Variants in C10orf90 observed in about 807,000 individuals in gnomAD.
The protein encoded by C10orf90 is chromosome 10 open reading frame 90.
C10orf90 carries 56 observed loss-of-function variants against 62.5 expected under a neutral mutation model. The observed-to-expected ratio is 0.90, with a 90% CI of 0.72 to 1.12. C10orf90 has a LOEUF of 1.12. Ranked by LOEUF, C10orf90 falls within the 50% of genes most tolerant of loss-of-function variation. C10orf90 has a pLI of 0.00. For missense variants in C10orf90, 970 were observed against 880.4 expected (o/e 1.10, Z -1.29); for synonymous variants, 386 against 340.4 (o/e 1.13, Z -1.47).
rs1228704512 is a variant in C10orf90, at chr10:126,425,757, T to G, written c.*107A>C. The stretch of plus-strand genomic sequence containing the variant: ...CTTTATGGAAAAAAAAAATCGAAAG[T>G]AAAATAAGTGTTTTCCCATGATGAA... On this transcript the variant is annotated 3_prime_UTR_variant, in exon 10 of 10. Coordinates refer to ENST00000488181, the MANE Select transcript of C10orf90 (RefSeq NM_001350921.2). 2.5e-6 allele frequency: 3 copies of G among 1,206,662 alleles called. No individual in the cohort carries two copies. Among genetic ancestry groups the G allele is most frequent in the Non-Finnish European group, 3.4e-6 (3 of 875,956 alleles). The allele number at this position is 1,206,662 out of a possible 1,614,324, so 74.7% of individuals were successfully genotyped here.
chr10:126,571,332 A>G (rs1844501483), intron 2 of C10orf90, among the ~76,000 whole-genome samples: 3 of 152,206 alleles, frequency 2.0e-5, no homozygotes, highest in African/African-American at 7.2e-5. Flanking sequence ...TCACCAGGGC[A>G]ACGATTTGTC....
At chr10:126,562,182 G>A (rs1035403728) in intron 2 of C10orf90, among the ~76,000 whole-genome samples, 1 of 152,164 alleles carries the variant, frequency 6.6e-6, no homozygotes, top group Non-Finnish European at 1.5e-5. Flanking sequence ...GGTCCCTAAT[G>A]GAGGGAGAAT....
At chr10:126,535,207 A>AT (rs3044663) in intron 2 of C10orf90, among the ~76,000 whole-genome samples, 4 of 151,346 alleles carry the variant, frequency 2.6e-5, no homozygotes, top group South Asian at 2.1e-4. Context: ...ACAAAATTGT[A>AT]TTTTTTTTTC....
chr10:126,426,786 T>G (rs1465238116), intron 8 of C10orf90, among the ~76,000 whole-genome samples: 1 of 152,140 alleles, frequency 6.6e-6, no homozygotes, highest in East Asian at 1.9e-4. Context: ...TAAAACATCT[T>G]TCTCTCTCTC....
At chr10:126,630,145 G>T (rs1023739682) in intron 2 of C10orf90, among the ~76,000 whole-genome samples, 8 of 152,148 alleles carry the variant, frequency 5.3e-5, no homozygotes, top group Admixed American at 2.0e-4. Flanking sequence ...TGTGATGCAG[G>T]GACTATAACT....
intron 2 of C10orf90, among the ~76,000 whole-genome samples, chr10:126,600,020 G>A (rs796839947): frequency 9.2e-5 from 14 of 152,362 alleles, no homozygotes; most frequent in African/African-American, 3.4e-4. Context: ...ATTGGCCACT[G>A]TAGTCCAATT....
chr10:126,478,623 T>C (rs1297754531), intron 4 of C10orf90, among the ~76,000 whole-genome samples: 1 of 152,122 alleles, frequency 6.6e-6, no homozygotes, highest in Non-Finnish European at 1.5e-5. Context: ...TTTCCTGCCC[T>C]TTTTGCCAGA....
chr10:126,613,068 T>C (rs887006167), intron 2 of C10orf90, among the ~76,000 whole-genome samples: 23 of 152,294 alleles, frequency 1.5e-4, no homozygotes, highest in African/African-American at 5.3e-4. Context: ...AGCAGTATAT[T>C]CATTTATACC....
intron 3 of C10orf90, among the ~76,000 whole-genome samples, chr10:126,505,730 G>C (rs535357333): frequency 6.6e-6 from 1 of 152,114 alleles, no homozygotes; most frequent in African/African-American, 2.4e-5. Context: ...TGAGATGGGC[G>C]GATCACCTGA....
chr10:126,565,395 T>TA (rs1844354095), intron 2 of C10orf90, among the ~76,000 whole-genome samples: 1 of 74,062 alleles, frequency 1.4e-5, no homozygotes, highest in Non-Finnish European at 2.4e-5. Flanking sequence ...ATTATATATA[T>TA]TATATTATAT....
At position 126,551,766 on chromosome 10, in the gene C10orf90, G is replaced by A. The variant is rs191191423; in HGVS notation, c.314-37827C>T. The stretch of plus-strand genomic sequence containing the variant: ...GGTTTACAGCATTAAATCAAAAATC[G>A]CTTTCCTTATTGATAAGGGCCTTGC... On this transcript the variant is annotated intron_variant, in intron 2 of 9. Coordinates refer to ENST00000488181, the MANE Select transcript of C10orf90 (RefSeq NM_001350921.2). 7.8e-4 allele frequency among the ~76,000 whole-genome samples: 119 copies of A among 152,238 alleles called. 2 individuals are homozygous for A. The highest frequency in any genetic ancestry group is 2.7e-3 in the African/African-American group (114 of 41,554).
chr10:126,635,268 A>G (rs1413025343), intron 2 of C10orf90, among the ~76,000 whole-genome samples: 3 of 152,226 alleles, frequency 2.0e-5, no homozygotes, highest in Non-Finnish European at 4.4e-5. Context: ...ATTCTAAAGC[A>G]CGGTCCTATT....
chr10:126,533,521 C>T (rs1434896414), intron 2 of C10orf90, among the ~76,000 whole-genome samples: 4 of 152,162 alleles, frequency 2.6e-5, no homozygotes, highest in African/African-American at 9.7e-5. Flanking sequence ...CAAACCAGTC[C>T]TGTTTTCAGG....
Position 126,504,454 on chromosome 10 carries a change from C to T in C10orf90, c.1037G>A (p.Ser346Asn). Residue 346 changes from serine (S) to asparagine (N), a missense_variant, in exon 4 of 10, where the codon AGT becomes AAT. Coordinates refer to ENST00000488181, the MANE Select transcript of C10orf90 (RefSeq NM_001350921.2). This position sits in a 1 kb window ranked among gnomAD's most constrained non-coding sequence, Gnocchi z 4.1. ...AGACACCCTGAGGTGGACACAGGAA[C>T]TGAACACCAGCGGGCTCTTTCCTGA... is the stretch of plus-strand genomic sequence containing the variant. ...PLSGKSPLVFSSCVHLRVSQQ... is the reference protein window; with the variant it reads ...PLSGKSPLVFNSCVHLRVSQQ... 2 of 1,614,218 alleles carry T rather than the reference C, an allele frequency of 1.2e-6. No homozygotes were observed. The highest frequency in any genetic ancestry group is 1.7e-6 in the Non-Finnish European group (2 of 1,180,050).
intron 2 of C10orf90, among the ~76,000 whole-genome samples, chr10:126,574,823 A>G (rs1376496528): frequency 6.6e-6 from 1 of 152,218 alleles, no homozygotes; most frequent in Non-Finnish European, 1.5e-5. Flanking sequence ...ATCTATGGCC[A>G]TACCACTCTG....
intron 2 of C10orf90, among the ~76,000 whole-genome samples, chr10:126,644,302 A>T (rs577603979): frequency 7.9e-4 from 120 of 152,288 alleles, no homozygotes; most frequent in Non-Finnish European, 1.4e-3. Context: ...TCCCTCCTCC[A>T]CTGCAGAACT....
At position 126,574,597 on chromosome 10, in the gene C10orf90, C is replaced by G. The variant is rs548941519; in HGVS notation, c.314-60658G>C. Among the ~76,000 whole-genome samples, 94 of 151,856 alleles carry G rather than the reference C, an allele frequency of 6.2e-4. 2 individuals carry two copies. In the South Asian group the frequency reaches 0.015, roughly 25 times the overall value. Reference sequence around the variant, plus strand: ...TCAAGTGGGATTTATTGCAGGGATGCAAGGGTGGCTTAACAATAAATCAAT... The same window carrying G: ...TCAAGTGGGATTTATTGCAGGGATGGAAGGGTGGCTTAACAATAAATCAAT... On this transcript the variant is annotated intron_variant, in intron 2 of 9. Coordinates refer to ENST00000488181, the MANE Select transcript of C10orf90 (RefSeq NM_001350921.2).
chr10:126,455,330 C>T (rs1326999213), intron 7 of C10orf90, among the ~76,000 whole-genome samples: 1 of 152,208 alleles, frequency 6.6e-6, no homozygotes, highest in Non-Finnish European at 1.5e-5. Flanking sequence ...CCCACCCTGC[C>T]CTATTGGCAT....
rs528157241 is a variant in C10orf90 at position 126,474,130 on chromosome 10, C to T, written c.1535-9144G>A. 4.6e-5 allele frequency among the ~76,000 whole-genome samples: 7 copies of T among 152,294 alleles called. No individual in the cohort carries two copies. The East Asian group carries it at 1.4e-3, about 29-fold the overall frequency. On this transcript the variant is annotated intron_variant, in intron 4 of 9. Coordinates refer to ENST00000488181, the MANE Select transcript of C10orf90 (RefSeq NM_001350921.2). ...CCGAATCTGCATTGTAACCAGTTCC[C>T]AAGTGGTTCACATGCATGTCCACAT...
Sources: allele counts gnomAD v4.1 joint callset (sites outside exome capture counted in the v4.1 genomes callset), GRCh38; gene constraint gnomAD v4.1.1; non-coding constraint Gnocchi (gnomAD v3.1); transcripts MANE v1.5; gene names NCBI Gene and HGNC (gene_info 2026-07-23, HGNC 2026-07-21).